The following AGBL1 variants were observed in gnomAD, a reference collection of about 807,000 sequenced individuals.
AGBL1 encodes the protein AGBL carboxypeptidase 1, also known as cytosolic carboxypeptidase 4.
A neutral mutation model predicts 118.9 loss-of-function variants in AGBL1; 130 were observed. The observed-to-expected ratio is 1.09, with a 90% CI of 0.95 to 1.26. AGBL1 has a LOEUF of 1.26. Ranked by LOEUF, AGBL1 falls within the 50% of genes most tolerant of loss-of-function variation. AGBL1 has a pLI of 0.00. For synonymous variants in AGBL1, 555 were observed against 478.9 expected, an observed-to-expected ratio of 1.16 and a Z score of -2.08; for missense variants, 1,584 against 1,298.1, an observed-to-expected ratio of 1.22 and a Z score of -3.38.
At chr15:86,206,258 A>G (rs919723860) in intron 5 of AGBL1, among the ~76,000 whole-genome samples, 3 of 152,142 alleles carry the variant, frequency 2.0e-5, no homozygotes, top group Non-Finnish European at 4.4e-5. Flanking sequence ...ATTGTGAATA[A>G]TGTTGCATTA....
chr15:86,804,008 T>A lies in AGBL1; in HGVS notation c.3159-103079T>A, dbSNP rs138372142. On this transcript the variant is annotated intron_variant, in intron 22 of 22. Transcript: ENST00000614907. The stretch of plus-strand genomic sequence containing the variant: ...TGGACTAGTGCTTATAACAAGTCTG[T>A]TATCCAATGGTTTGGTGAGTAGATT... 1.3e-3 allele frequency among the ~76,000 whole-genome samples: 204 copies of A among 152,162 alleles called. 1 individual carries two copies. The highest frequency in any genetic ancestry group is 4.7e-3 in the African/African-American group (194 of 41,530).
chr15:86,283,469 CAG>C (rs1234674956), intron 16 of AGBL1, among the ~76,000 whole-genome samples: 1 of 139,680 alleles, frequency 7.2e-6, no homozygotes, highest in Non-Finnish European at 1.5e-5. Context: ...TCTCCAGAGA[CAG>C]GGGTGGGATG....
chr15:87,018,547 G>A (rs1448431988), intron 24 of AGBL1, among the ~76,000 whole-genome samples: 1 of 152,076 alleles, frequency 6.6e-6, no homozygotes, highest in Admixed American at 6.6e-5. Flanking sequence ...GATCTTCTTT[G>A]GACAAGCAAA....
intron 22 of AGBL1, among the ~76,000 whole-genome samples, chr15:86,882,273 C>T (rs1047028644): frequency 2.0e-5 from 3 of 152,212 alleles, no homozygotes; most frequent in Non-Finnish European, 1.5e-5. Flanking sequence ...CAAAATCTCA[C>T]GTCCCATCGA....
At chr15:86,628,201 T>C (rs1030063207) in intron 21 of AGBL1, among the ~76,000 whole-genome samples, 17 of 152,146 alleles carry the variant, frequency 1.1e-4, no homozygotes, top group Non-Finnish European at 1.5e-4. Flanking sequence ...TTTGTAATAA[T>C]AGGTCTGAAG....
At chr15:86,123,031 C>T (rs1454835109) in intron 1 of AGBL1, among the ~76,000 whole-genome samples, 1 of 152,164 alleles carries the variant, frequency 6.6e-6, no homozygotes, top group African/African-American at 2.4e-5. Context: ...TTTGACATAT[C>T]TTGAAATGGT....
At chr15:86,562,354 G>T (rs1357467218) in intron 21 of AGBL1, among the ~76,000 whole-genome samples, 4 of 152,148 alleles carry the variant, frequency 2.6e-5, no homozygotes, top group African/African-American at 7.2e-5. Flanking sequence ...TAGCATGAAG[G>T]GCTGTTGAAT....
At chr15:86,968,035 C>G (rs2081071956) in intron 23 of AGBL1, among the ~76,000 whole-genome samples, 1 of 151,918 alleles carries the variant, frequency 6.6e-6, no homozygotes, top group African/African-American at 2.4e-5. Context: ...TTGAAGAGGT[C>G]CGGGATTGAA....
At chr15:86,277,097 C>T (rs1044088478) in intron 15 of AGBL1, among the ~76,000 whole-genome samples, 4 of 151,718 alleles carry the variant, frequency 2.6e-5, no homozygotes, top group Non-Finnish European at 5.9e-5. Flanking sequence ...AGGGTTGTAA[C>T]TGAATTTCTT....
At chr15:86,473,507 G>A (rs979096261) in intron 18 of AGBL1, among the ~76,000 whole-genome samples, 3 of 151,902 alleles carry the variant, frequency 2.0e-5, no homozygotes, top group South Asian at 2.1e-4. Flanking sequence ...AGGGTATAAA[G>A]TTTCATCATT....
intron 18 of AGBL1, among the ~76,000 whole-genome samples, chr15:86,458,467 T>C (rs1366839553): frequency 2.0e-5 from 3 of 152,200 alleles, no homozygotes; most frequent in African/African-American, 7.2e-5. Context: ...ATCTAATTTA[T>C]AGAAACATGT....
chr15:86,832,988 G>C (rs1034269027), intron 22 of AGBL1, among the ~76,000 whole-genome samples: 13 of 152,154 alleles, frequency 8.5e-5, no homozygotes, highest in Non-Finnish European at 1.8e-4. Flanking sequence ...GAAGGCAAAC[G>C]AGGAACAAAG....
intron 21 of AGBL1, among the ~76,000 whole-genome samples, chr15:86,664,956 A>T (rs1463464326): frequency 7.2e-5 from 11 of 152,282 alleles, no homozygotes; most frequent in Non-Finnish European, 1.5e-4. Context: ...ATTTTAAAAA[A>T]ATAAGGAAAA....
intron 22 of AGBL1, among the ~76,000 whole-genome samples, chr15:86,686,100 G>C (rs2086050053): frequency 6.6e-6 from 1 of 152,128 alleles, no homozygotes; most frequent in African/African-American, 2.4e-5. Context: ...GGTCAACCTA[G>C]AAAAAGTGAA....
At chr15:86,785,328 G>T (rs1446766971) in intron 22 of AGBL1, among the ~76,000 whole-genome samples, 2 of 150,982 alleles carry the variant, frequency 1.3e-5, no homozygotes, top group Admixed American at 6.6e-5. Flanking sequence ...TGATTCAAAA[G>T]GTCTGGGAAG....
At chr15:86,294,281 C>T (rs1309570462) in intron 16 of AGBL1, among the ~76,000 whole-genome samples, 1 of 151,456 alleles carries the variant, frequency 6.6e-6, no homozygotes, top group African/African-American at 2.4e-5. Context: ...TGCCTGTAAT[C>T]CCAGCTACTC....
rs1029049897 is a variant in AGBL1, at chr15:86,810,147, A to ACAT, written c.3159-96937_3159-96935dup. ...AAAACAAACAGCAACAATAAAAACC[A>ACAT]CATCAGTCTTCCTTTCCTCGGGACT... On this transcript the variant is annotated intron_variant, in intron 22 of 22. Transcript: ENST00000614907. Among the ~76,000 whole-genome samples the ACAT allele has an allele frequency of 2.2e-4, 34 of 152,314 alleles. 1 individual carries two copies. Among genetic ancestry groups the ACAT allele is most frequent in the African/African-American group, 8.2e-4 (34 of 41,578 alleles).
At chr15:86,302,399 A>G (rs953536632) in intron 17 of AGBL1, among the ~76,000 whole-genome samples, 4 of 152,112 alleles carry the variant, frequency 2.6e-5, no homozygotes, top group Admixed American at 1.3e-4. Context: ...TCAAACTTCT[A>G]TATGCAGAGA....
intron 22 of AGBL1, among the ~76,000 whole-genome samples, chr15:86,740,034 T>C (rs570506280): frequency 6.6e-6 from 1 of 152,350 alleles, no homozygotes; most frequent in East Asian, 1.9e-4. Context: ...GTTCTAAAGC[T>C]ATAAAAATAA....
Sources: gnomAD v4.1 joint callset for allele counts (sites outside exome capture counted in the v4.1 genomes callset) on GRCh38, gnomAD v4.1.1 for gene constraint, MANE v1.5 for transcripts, NCBI Gene and HGNC (gene_info 2026-07-23, HGNC 2026-07-21) for gene names.